Variants in ACOXL observed in about 807,000 individuals in gnomAD.
ACOXL encodes the protein acyl-coenzyme A oxidase-like protein.
A neutral mutation model predicts 71.9 loss-of-function variants in ACOXL; 70 were observed. The ratio of observed to expected loss-of-function variants is 0.97; its 90% CI spans 0.80 to 1.19. The LOEUF (loss-of-function observed/expected upper bound fraction) is 1.19, where lower values mean the gene tolerates loss of function less well. ACOXL is among the 50% of genes most tolerant of loss of function. The pLI is 0.00. For synonymous variants in ACOXL, 253 were observed against 281.6 expected, an observed-to-expected ratio of 0.90 and a Z score of 1.02; for missense variants, 703 against 736.3, an observed-to-expected ratio of 0.95 and a Z score of 0.52.
At chr2:110,876,162 T>C (rs1437175889) in intron 10 of ACOXL, among the ~76,000 whole-genome samples, 1 of 152,200 alleles carries the variant, frequency 6.6e-6, no homozygotes, top group Non-Finnish European at 1.5e-5. Context: ...GCCCCAGAAC[T>C]GTGTTTCTAG....
chr2:110,962,608 C>T (rs997596097), intron 12 of ACOXL, among the ~76,000 whole-genome samples: 1 of 152,202 alleles, frequency 6.6e-6, no homozygotes, highest in African/African-American at 2.4e-5. Flanking sequence ...CAGCAGGCAC[C>T]TGGAAATCCA....
At chr2:110,740,673 G>A (rs1300409683) in intron 1 of ACOXL, among the ~76,000 whole-genome samples, 2 of 152,236 alleles carry the variant, frequency 1.3e-5, no homozygotes, top group African/African-American at 4.8e-5. Flanking sequence ...TTTATTGGAT[G>A]TAGGGTCCAG....
rs1278512735 is a variant in ACOXL at position 111,046,048 on chromosome 2, A to C, written c.1370-3170A>C. Among the ~76,000 whole-genome samples the C allele has an allele frequency of 2.0e-5, 3 of 152,228 alleles. No homozygotes were observed. The East Asian group carries it at 5.8e-4, about 29-fold the overall frequency. ...GAGGCCAGGGCAGCCCGGACATCTA[A>C]ACACTAGAGACTGATTGGGAAGGAA... On this transcript the variant is annotated intron_variant, in intron 15 of 17. Transcript: ENST00000439055.
chr2:111,010,820 C>A (rs921329551), intron 14 of ACOXL, among the ~76,000 whole-genome samples: 9 of 152,130 alleles, frequency 5.9e-5, no homozygotes, highest in Admixed American at 5.9e-4. Flanking sequence ...AAAAAAGAAT[C>A]TACCTTGAGC....
In ACOXL at chr2:110,953,691, A is replaced by G. The variant is rs546433514; in HGVS notation, c.1059+20049A>G. On this transcript the variant is annotated intron_variant, in intron 12 of 17. Coordinates refer to ENST00000439055, the MANE Select transcript of ACOXL (RefSeq NM_001142807.4). ...CTACCTGAGACTGGATAATTTATGA[A>G]AAAAAAAGAGGCTTAATTAACTCAC... Among the ~76,000 whole-genome samples the G allele has an allele frequency of 2.6e-5, 4 of 152,112 alleles. No homozygotes were observed. In the South Asian group the frequency reaches 8.3e-4, roughly 32 times the overall value.
intron 16 of ACOXL, among the ~76,000 whole-genome samples, chr2:111,078,489 C>A (rs6716395): frequency 6.6e-6 from 1 of 152,100 alleles, no homozygotes. Context: ...GTCTTGAACT[C>A]CTGACCTCAA....
chr2:111,102,705 T>A (rs2069255014), intron 17 of ACOXL, among the ~76,000 whole-genome samples: 1 of 152,266 alleles, frequency 6.6e-6, no homozygotes, highest in South Asian at 2.1e-4. Flanking sequence ...ACTCCAGTAA[T>A]GCAGTTAAGG....
At chr2:110,932,611 TG>T (rs1329595569) in intron 11 of ACOXL, among the ~76,000 whole-genome samples, 1 of 151,976 alleles carries the variant, frequency 6.6e-6, no homozygotes, top group African/African-American at 2.4e-5. Context: ...TCAAGGGAAG[TG>T]GAATTAAAAA....
intron 14 of ACOXL, 125 bp downstream of exon 14, chr2:110,996,129 A>G: frequency 1.3e-6 from 1 of 782,728 alleles, no homozygotes; most frequent in Admixed American, 2.2e-5. Context: ...GGAAGCGGCT[A>G]GAGTTCCTAC....
chr2:110,994,307 T>TACTTTCCTCTTCCC (rs2063299907), intron 13 of ACOXL, among the ~76,000 whole-genome samples: 2 of 152,224 alleles, frequency 1.3e-5, no homozygotes, highest in African/African-American at 4.8e-5. Flanking sequence ...GTCCCGGTAA[T>TACTTTCCTCTTCCC]TGGCATGTAA....
In ACOXL at chr2:111,095,976, A is replaced by G. The variant is rs2068779003; in HGVS notation, c.1542+3010A>G. ...CTTTGCAGGGATCTCAAGGCTTTAG[A>G]GAAATGATTTGCAGCCATTCTTCAC... is the stretch of plus-strand genomic sequence containing the variant. On this transcript the variant is annotated intron_variant, in intron 17 of 17. Coordinates refer to ENST00000439055, the MANE Select transcript of ACOXL (RefSeq NM_001142807.4). Among the ~76,000 whole-genome samples the G allele has an allele frequency of 3.9e-5, 6 of 152,280 alleles. No homozygotes were observed. In the South Asian group the frequency reaches 1.2e-3, roughly 32 times the overall value.
intron 14 of ACOXL, among the ~76,000 whole-genome samples, chr2:110,996,353 G>A (rs2149594739): frequency 6.6e-6 from 1 of 152,296 alleles, no homozygotes; most frequent in Non-Finnish European, 1.5e-5. Context: ...GAGGGGAACT[G>A]CCTCAGGCAT....
At chr2:111,056,200 T>TAA (rs5833383) in intron 16 of ACOXL, among the ~76,000 whole-genome samples, 13,371 of 145,642 alleles carry the variant, frequency 0.092, 665 homozygotes, top group Non-Finnish European at 0.11. Flanking sequence ...ACCCCAACTT[T>TAA]AAAAAAAAAA....
chr2:110,892,218 G>A (rs1698002021), intron 10 of ACOXL, among the ~76,000 whole-genome samples: 1 of 152,158 alleles, frequency 6.6e-6, no homozygotes, highest in Non-Finnish European at 1.5e-5. Context: ...AGATGATGGT[G>A]CTGACCTTTG....
intron 17 of ACOXL, among the ~76,000 whole-genome samples, chr2:111,115,019 T>C (rs1268171256): frequency 4.6e-5 from 7 of 152,216 alleles, no homozygotes; most frequent in African/African-American, 1.7e-4. Flanking sequence ...TGTAGAGCAA[T>C]AGTGCCCATG....
intron 12 of ACOXL, 77 bp downstream of exon 12, chr2:110,933,719 A>G: frequency 1.3e-6 from 2 of 1,482,164 alleles, no homozygotes; most frequent in East Asian, 4.9e-5. Context: ...GGGCGGGCAG[A>G]TAACATGCTT....
At chr2:110,961,968 C>A (rs1296072604) in intron 12 of ACOXL, among the ~76,000 whole-genome samples, 2 of 152,218 alleles carry the variant, frequency 1.3e-5, no homozygotes, top group African/African-American at 2.4e-5. Context: ...GGGATTATTA[C>A]AATTCAAGAT....
intron 9 of ACOXL, among the ~76,000 whole-genome samples, chr2:110,828,937 G>A (rs36122237): frequency 0.092 from 13,972 of 151,910 alleles, 851 homozygotes; most frequent in Middle Eastern, 0.15. Context: ...TCAGCCTCCC[G>A]AGTAGCTGGG....
intron 17 of ACOXL, among the ~76,000 whole-genome samples, chr2:111,102,446 G>A (rs1476049582): frequency 6.6e-6 from 1 of 152,186 alleles, no homozygotes; most frequent in African/African-American, 2.4e-5. Context: ...GCACAAGAGA[G>A]GGCAAATTGT....
Sources: allele counts gnomAD v4.1 joint callset (sites outside exome capture counted in the v4.1 genomes callset), GRCh38; gene constraint gnomAD v4.1.1; transcripts MANE v1.5; gene names NCBI Gene and HGNC (gene_info 2026-07-23, HGNC 2026-07-21).